PHF20: variants seen among roughly 807,000 people sequenced by gnomAD.
The protein encoded by PHF20 is glioma-expressed antigen 2.
PHF20 carries 23 observed loss-of-function variants against 113.5 expected under a neutral mutation model. That is an observed-to-expected ratio of 0.20 (90% CI 0.15 to 0.29). PHF20 has a LOEUF of 0.29. Ranked by LOEUF, PHF20 falls within the 10% of genes least tolerant of loss-of-function variation. The pLI, the probability that PHF20 is intolerant of heterozygous loss-of-function variation, is 1.00. For synonymous variants in PHF20, 434 were observed against 457.3 expected (o/e 0.95, Z 0.65); for missense variants, 943 against 1,219.6 (o/e 0.77, Z 3.38).
At chr20:35,806,400 T>TGATC (rs1334125279) in intron 2 of PHF20, among the ~76,000 whole-genome samples, 10 of 136,500 alleles carry the variant, frequency 7.3e-5, no homozygotes, top group East Asian at 2.3e-4. Context: ...ACCTCAAGTG[T>TGATC]TTCACCTGCC....
chr20:35,815,271 C>T (rs1455021272), intron 2 of PHF20, among the ~76,000 whole-genome samples: 1 of 151,818 alleles, frequency 6.6e-6, no homozygotes, highest in East Asian at 1.9e-4. Context: ...CATGGTGTAA[C>T]TATGCTAAAT....
At chr20:35,916,508 C>A (rs2147089057) in intron 12 of PHF20, among the ~76,000 whole-genome samples, 1 of 152,346 alleles carries the variant, frequency 6.6e-6, no homozygotes, top group African/African-American at 2.4e-5. Flanking sequence ...CACTCTGTCA[C>A]CCAGGCTGGA....
rs772970209 is a variant in PHF20 at position 35,899,524 on chromosome 20, G to T, written c.1437G>T (p.Met479Ile). ...ATCACATGAAGTATTTCCATGGAAT[G>T]GAGAAGTCACTGGAGCCAGAAGAGA... ...LHYHMKYFHG[M>I]EKSLEPEESP... Residue 479 changes from methionine to isoleucine, a missense_variant, in exon 10 of 18, where the codon ATG becomes ATT. Met to Ile is a conservative substitution (Grantham distance 10). Around this residue, in one of 3 missense-constraint regions of PHF20, gnomAD observed 592 missense variants for 787.2 expected, o/e 0.75. Transcript: ENST00000374012. The T allele has an allele frequency of 1.9e-6, 3 of 1,614,050 alleles. No homozygotes were observed. Among genetic ancestry groups the T allele is most frequent in the Non-Finnish European group, 1.7e-6 (2 of 1,180,036 alleles).
chr20:35,917,759 C>A, intron 13 of PHF20, 97 bp downstream of exon 13: 1 of 1,044,886 alleles, frequency 9.6e-7, no homozygotes, highest in East Asian at 2.4e-5. Context: ...TAGCAGAGCC[C>A]CAGAAACACA....
At chr20:35,866,279 A>G (rs1023446521) in intron 6 of PHF20, among the ~76,000 whole-genome samples, 1 of 152,218 alleles carries the variant, frequency 6.6e-6, no homozygotes, top group Non-Finnish European at 1.5e-5. Context: ...TTTCTGTTGG[A>G]CAGCACTGAC....
chr20:35,795,611 G>A (rs200064404), intron 1 of PHF20, among the ~76,000 whole-genome samples: 4 of 151,986 alleles, frequency 2.6e-5, no homozygotes, highest in African/African-American at 7.2e-5. Context: ...TAGCACCCAC[G>A]ATAGGGGCCA....
At chr20:35,873,905 C>T (rs1485374918) in intron 9 of PHF20, among the ~76,000 whole-genome samples, 1 of 152,170 alleles carries the variant, frequency 6.6e-6, no homozygotes, top group Non-Finnish European at 1.5e-5. Flanking sequence ...CCATTAACCT[C>T]CCCCATGTTG....
chr20:35,888,812 A>T lies in PHF20; in HGVS notation c.1283-10558A>T, dbSNP rs187973423. ...GTCTTCTGCCCTCTGTCTCTGAGTAACTGCTCTCATGTTGACAAGAACCAT... is the reference window on the plus strand; with the variant it reads ...GTCTTCTGCCCTCTGTCTCTGAGTATCTGCTCTCATGTTGACAAGAACCAT... On this transcript the variant is annotated intron_variant, in intron 9 of 17. Transcript: ENST00000374012. 1.6e-4 allele frequency among the ~76,000 whole-genome samples: 24 copies of T among 151,106 alleles called. 1 individual carries two copies. Among genetic ancestry groups the T allele is most frequent in the South Asian group, 1.0e-3 (5 of 4,780 alleles).
At chr20:35,807,584 C>T (rs1203225208) in intron 2 of PHF20, among the ~76,000 whole-genome samples, 1 of 152,012 alleles carries the variant, frequency 6.6e-6, no homozygotes, top group African/African-American at 2.4e-5. Context: ...AACTCCTGAC[C>T]TCAGGTGATC....
intron 9 of PHF20, among the ~76,000 whole-genome samples, chr20:35,874,652 T>A (rs2054485467): frequency 6.6e-6 from 1 of 152,168 alleles, no homozygotes; most frequent in South Asian, 2.1e-4. Flanking sequence ...TCCAGCTAAT[T>A]TTTTTTCTTT....
chr20:35,854,202 TCA>T (rs1160068640), intron 4 of PHF20, among the ~76,000 whole-genome samples: 1 of 152,216 alleles, frequency 6.6e-6, no homozygotes, highest in Non-Finnish European at 1.5e-5. Context: ...GTTATGCATC[TCA>T]GTTTTGTTCT....
intron 13 of PHF20, among the ~76,000 whole-genome samples, chr20:35,924,457 G>A (rs1388775217): frequency 2.0e-5 from 3 of 151,952 alleles, no homozygotes; most frequent in African/African-American, 4.8e-5. Context: ...GCCTCCCAAA[G>A]TTCTGGAATT....
chr20:35,921,432 C>T (rs1426947258), intron 13 of PHF20, among the ~76,000 whole-genome samples: 2 of 151,892 alleles, frequency 1.3e-5, no homozygotes, highest in African/African-American at 2.4e-5. Flanking sequence ...GCTGTAATCC[C>T]AGAATTTTGG....
At chr20:35,852,262 A>G (rs780690552) in intron 4 of PHF20, among the ~76,000 whole-genome samples, 3 of 152,126 alleles carry the variant, frequency 2.0e-5, no homozygotes, top group Admixed American at 6.5e-5. Flanking sequence ...GGTGTTGTCA[A>G]TTAGGTCCAG....
At position 35,912,763 on chromosome 20, in the gene PHF20, C is replaced by T. The variant is rs1021531709; in HGVS notation, c.1562-486C>T. 7.9e-5 allele frequency among the ~76,000 whole-genome samples: 12 copies of T among 152,090 alleles called. No individual in the cohort carries two copies. The East Asian group carries it at 1.5e-3, about 20-fold the overall frequency. ...AGGAGAATCGCTTGAACCCGGGAGG[C>T]GGAGGTTGCAGTGAGCTGAGATCGC... On this transcript the variant is annotated intron_variant, in intron 10 of 17. Transcript: ENST00000374012.
Position 35,938,897 on chromosome 20 carries a change from A to G in PHF20, c.2501A>G (p.Tyr834Cys). The G allele has an allele frequency of 1.2e-6, 2 of 1,614,178 alleles. No individual in the cohort carries two copies. The highest frequency in any genetic ancestry group is 1.7e-6 in the Non-Finnish European group (2 of 1,180,030). Residue 834 changes from tyrosine to cysteine, a missense_variant, in exon 16 of 18, where the codon TAT (tyrosine) becomes TGT (cysteine). Tyr to Cys is a radical substitution (Grantham distance 194). Transcript: ENST00000374012. ...CTGCCGCGTTCTGTGGAGGAATCCT[A>G]TATCACCAGTGAGCATTGCTACCAG... is the stretch of plus-strand genomic sequence containing the variant. ...LPLPRSVEES[Y>C]ITSEHCYQKP...
chr20:35,858,943 T>A (rs2054167401), intron 5 of PHF20, among the ~76,000 whole-genome samples: 1 of 152,196 alleles, frequency 6.6e-6, no homozygotes, highest in South Asian at 2.1e-4. Flanking sequence ...TATATTCTGT[T>A]CTCCTAATCT....
chr20:35,798,335 C>T (rs533155180), intron 1 of PHF20, among the ~76,000 whole-genome samples: 1 of 152,244 alleles, frequency 6.6e-6, no homozygotes, highest in East Asian at 1.9e-4. Flanking sequence ...ATCACATGAG[C>T]CCAGGAAGTC....
chr20:35,843,858 G>A (rs1185964258), intron 3 of PHF20, among the ~76,000 whole-genome samples: 1 of 152,154 alleles, frequency 6.6e-6, no homozygotes, highest in African/African-American at 2.4e-5. Flanking sequence ...GATTATAGGT[G>A]TAAGCTCGTC....
Sources: gnomAD v4.1 joint callset for allele counts (sites outside exome capture counted in the v4.1 genomes callset) on GRCh38, gnomAD v4.1.1 for gene constraint, gnomAD v4.1.1 regional missense constraint, MANE v1.5 for transcripts, NCBI Gene and HGNC (gene_info 2026-07-23, HGNC 2026-07-21) for gene names.